The following EIF2A variants were observed in gnomAD, a reference collection of about 807,000 sequenced individuals.
EIF2A encodes the protein eukaryotic translation initiation factor 2A.
EIF2A carries 62 observed loss-of-function variants against 75.2 expected under a neutral mutation model. The ratio of observed to expected loss-of-function variants is 0.82; its 90% CI spans 0.67 to 1.02. EIF2A has a LOEUF of 1.02. Among genes scored for constraint, EIF2A ranks in the 50% least tolerant of loss-of-function variants. The pLI, the probability that EIF2A is intolerant of heterozygous loss-of-function variation, is 0.00. For missense variants in EIF2A, 611 were observed against 677.7 expected (o/e 0.90, Z 1.09); for synonymous variants, 207 against 239.0 (o/e 0.87, Z 1.23).
intron 3 of EIF2A, among the ~76,000 whole-genome samples, chr3:150,558,917 GTATAA>G (rs753755682): frequency 3.3e-5 from 5 of 152,050 alleles, no homozygotes; most frequent in Non-Finnish European, 7.4e-5. Context: ...AGAACGTTTA[GTATAA>G]TATATGTTAC....
intron 11 of EIF2A, among the ~76,000 whole-genome samples, chr3:150,579,567 G>A (rs1725055219): frequency 6.6e-6 from 1 of 151,984 alleles, no homozygotes; most frequent in Non-Finnish European, 1.5e-5. Context: ...AAATTAGCTG[G>A]GTGTGGTAGC....
intron 5 of EIF2A, among the ~76,000 whole-genome samples, chr3:150,563,948 A>G (rs939783364): frequency 1.3e-5 from 2 of 152,038 alleles, no homozygotes; most frequent in African/African-American, 2.4e-5. Context: ...CCTCCCAAGT[A>G]GCTGGGACTA....
intron 3 of EIF2A, among the ~76,000 whole-genome samples, chr3:150,561,734 C>T (rs1010137727): frequency 7.2e-5 from 11 of 151,890 alleles, no homozygotes; most frequent in East Asian, 5.8e-4. Context: ...ATCCATGTGT[C>T]TTCTATTTTA....
intron 9 of EIF2A, among the ~76,000 whole-genome samples, chr3:150,570,895 C>T (rs761303722): frequency 4.0e-5 from 6 of 151,568 alleles, no homozygotes; most frequent in Non-Finnish European, 8.8e-5. Flanking sequence ...GGCGAAACCC[C>T]ATCTCTACTA....
chr3:150,565,585 C>T (rs1724124724), intron 6 of EIF2A, among the ~76,000 whole-genome samples: 1 of 151,986 alleles, frequency 6.6e-6, no homozygotes, highest in Admixed American at 6.6e-5. Flanking sequence ...TCTTGTTTTT[C>T]GAGAGTGGGC....
chr3:150,579,359 A>G (rs983876976), intron 11 of EIF2A, among the ~76,000 whole-genome samples: 3 of 152,206 alleles, frequency 2.0e-5, no homozygotes, highest in Non-Finnish European at 4.4e-5. Context: ...GTTTTCATGT[A>G]GAAGGTAAAT....
chr3:150,562,725 G>T, intron 4 of EIF2A, 65 bp downstream of exon 4: 2 of 1,174,570 alleles, frequency 1.7e-6, no homozygotes, highest in East Asian at 5.3e-5. Context: ...GGGGGAAAAA[G>T]TTATAAAGTT....
chr3:150,546,863 T>C, intron 1 of EIF2A, 33 bp downstream of exon 1: 1 of 1,609,922 alleles, frequency 6.2e-7, no homozygotes, highest in Non-Finnish European at 8.5e-7. Context: ...ACTCTCTTTC[T>C]TCAGACTAGT....
In EIF2A at chr3:150,584,137, T is replaced by TA. The variant is rs1378176342; in HGVS notation, c.*227dup. The TA allele has an allele frequency of 2.4e-6, 1 of 413,548 alleles. No individual in the cohort carries two copies. Among genetic ancestry groups the TA allele is most frequent in the Non-Finnish European group, 4.2e-6 (1 of 237,648 alleles). The allele number at this position is 413,548 out of a possible 1,614,324, so 25.6% of individuals were successfully genotyped here. On this transcript the variant is annotated 3_prime_UTR_variant, in exon 14 of 14. Transcript: ENST00000460851. ...GTCAATATGTGATATAGAAAAGAGA[T>TA]ACGTGAATTTTTTAGCTAAGCTTGA... is the stretch of plus-strand genomic sequence containing the variant.
chr3:150,552,061 A>AC (rs1427006216), intron 1 of EIF2A, among the ~76,000 whole-genome samples: 4 of 152,192 alleles, frequency 2.6e-5, no homozygotes, highest in Non-Finnish European at 5.9e-5. Context: ...GCAGTTATAA[A>AC]CTTAGGTCAG....
chr3:150,570,484 T>C (rs1266828179), intron 9 of EIF2A, among the ~76,000 whole-genome samples: 1 of 151,102 alleles, frequency 6.6e-6, no homozygotes, highest in Non-Finnish European at 1.5e-5. Context: ...GAGGATTGTA[T>C]GAGCCGAGAA....
In EIF2A at chr3:150,567,936, C is replaced by T; in HGVS notation, c.584C>T (p.Pro195Leu). 6.2e-7 allele frequency: 1 copy of T among 1,611,688 alleles called. No homozygotes were observed. The highest frequency in any genetic ancestry group is 8.5e-7 in the Non-Finnish European group (1 of 1,179,216). ...TATGTTCCAGGAAGTAAAGGTGCACCTTCATTTGTTAGATTATATCAGTAC... is the reference window on the plus strand; with the variant it reads ...TATGTTCCAGGAAGTAAAGGTGCACTTTCATTTGTTAGATTATATCAGTAC... ...AVYVPGSKGAPSFVRLYQYPN... is the reference protein window; with the variant it reads ...AVYVPGSKGALSFVRLYQYPN... Residue 195 changes from proline to leucine, a missense_variant, in exon 8 of 14, where the codon CCT (proline) becomes CTT (leucine). Coordinates refer to ENST00000460851, the MANE Select transcript of EIF2A (RefSeq NM_032025.5).
In EIF2A at chr3:150,584,430, T is replaced by A. The variant is rs1167336450; in HGVS notation, c.*519T>A. Among the ~76,000 whole-genome samples the A allele has an allele frequency of 6.6e-6, 1 of 152,176 alleles. No individual in the cohort carries two copies. The highest frequency in any genetic ancestry group is 1.5e-5 in the Non-Finnish European group (1 of 68,018). ...TCAAAGCTAGGAAATGGCCATCTAA[T>A]CCCAGAGCCTATGCTTTAGGTCACT... On this transcript the variant is annotated 3_prime_UTR_variant, in exon 14 of 14. Transcript: ENST00000460851.
At position 150,583,254 on chromosome 3, in the gene EIF2A, G is replaced by T. The variant is rs774246825; in HGVS notation, c.1681G>T (p.Glu561Ter). 12 of 1,612,518 alleles carry T rather than the reference G, an allele frequency of 7.4e-6. No homozygotes were observed. The South Asian group carries it at 1.3e-4, about 18-fold the overall frequency. Residue 561 changes from glutamate (E) to a stop codon, truncating the protein, a stop_gained, in exon 13 of 14, where the codon GAA (glutamate) becomes TAA (stop). Coordinates refer to ENST00000460851, the MANE Select transcript of EIF2A (RefSeq NM_032025.5). LOFTEE classifies it high-confidence loss of function. ...ACAAGCAGCAACTGGAAAACAGCTA[G>T]AAAAAAATCAGGTACTTTCTGCATT... ...KEQAATGKQL[E>*]KNQLEKIQKE...
At position 150,567,894 on chromosome 3, in the gene EIF2A, T is replaced by TAAG. The variant is rs1724274937; in HGVS notation, c.550-7_550-6insAGA. ...AATTAAGTAATGATTTATGTCTATGTATCTTAGGTGGCTGTCTATGTTCCA... is the reference window on the plus strand; with the variant it reads ...AATTAAGTAATGATTTATGTCTATGTAAGATCTTAGGTGGCTGTCTATGTTCCA... On this transcript the variant is annotated splice_polypyrimidine_tract_variant and splice_region_variant and intron_variant, in intron 7 of 13. Coordinates refer to ENST00000460851, the MANE Select transcript of EIF2A (RefSeq NM_032025.5). 6.3e-7 allele frequency: 1 copy of TAAG among 1,595,472 alleles called. No individual in the cohort carries two copies. Among genetic ancestry groups the TAAG allele is most frequent in the Admixed American group, 1.8e-5 (1 of 54,238 alleles).
intron 2 of EIF2A, among the ~76,000 whole-genome samples, chr3:150,556,621 T>TAGAC (rs1553742607): frequency 6.6e-6 from 1 of 151,726 alleles, no homozygotes; most frequent in African/African-American, 2.4e-5. Flanking sequence ...GGGGAATAGA[T>TAGAC]AAAATTGGCT....
chr3:150,557,185 T>C (rs189764222), intron 2 of EIF2A, among the ~76,000 whole-genome samples: 70 of 152,272 alleles, frequency 4.6e-4, no homozygotes, highest in African/African-American at 1.6e-3. Context: ...ATATATTACA[T>C]ACTTCCGTAT....
At chr3:150,547,063 G>A (rs1266241656) in intron 1 of EIF2A, 7 of 579,168 alleles carry the variant, frequency 1.2e-5, no homozygotes, top group Non-Finnish European at 2.1e-5. Context: ...CTTGCCTGCG[G>A]ATTCATCTTC....
At chr3:150,561,510 G>A (rs1723850383) in intron 3 of EIF2A, among the ~76,000 whole-genome samples, 2 of 152,100 alleles carry the variant, frequency 1.3e-5, no homozygotes, top group South Asian at 4.1e-4. Context: ...CCCAGGAGGT[G>A]GAGGTTGCTG....
Sources: gnomAD v4.1 joint callset for allele counts (sites outside exome capture counted in the v4.1 genomes callset) on GRCh38, gnomAD v4.1.1 for gene constraint, MANE v1.5 for transcripts, NCBI Gene and HGNC (gene_info 2026-07-23, HGNC 2026-07-21) for gene names.